The following DCDC1 variants were observed in gnomAD, a reference collection of about 807,000 sequenced individuals.
The protein encoded by DCDC1 is doublecortin domain containing 1.
DCDC1 carries 200 observed loss-of-function variants against 178.3 expected under a neutral mutation model. The observed-to-expected ratio is 1.12, with a 90% confidence interval of 1.00 to 1.26. DCDC1 has a LOEUF of 1.26. Among genes scored for constraint, DCDC1 ranks in the 50% most tolerant of loss-of-function variants. DCDC1 has a pLI of 0.00. For missense variants in DCDC1, 1,983 were observed against 1,749.2 expected (o/e 1.13, Z -2.38); for synonymous variants, 690 against 604.8 (o/e 1.14, Z -2.07).
chr11:31,344,226 T>G (rs1950698304), intron 1 of DCDC1, among the ~76,000 whole-genome samples: 1 of 152,206 alleles, frequency 6.6e-6, no homozygotes, highest in African/African-American at 2.4e-5. Flanking sequence ...TGACTGACAC[T>G]AAATACTATG....
At chr11:31,301,318 A>G (rs953852422) in intron 6 of DCDC1, among the ~76,000 whole-genome samples, 9 of 152,214 alleles carry the variant, frequency 5.9e-5, no homozygotes, top group African/African-American at 2.2e-4. Flanking sequence ...AGTCCCAACT[A>G]CCTTAGCTGA....
At chr11:30,878,089 T>A (rs1313217925) in intron 38 of DCDC1, among the ~76,000 whole-genome samples, 1 of 152,312 alleles carries the variant, frequency 6.6e-6, no homozygotes, top group East Asian at 1.9e-4. Flanking sequence ...TTGTCTAGTT[T>A]TGTTGCCTTT....
In DCDC1 at chr11:31,192,000, C is replaced by T. The variant is rs925747945; in HGVS notation, c.1221+49450G>A. ...GACCTCAGTAAGCAGATAGGCTTCC[C>T]TACTTGGATAAATGGCACAATCTTA... is the stretch of plus-strand genomic sequence containing the variant. On this transcript the variant is annotated intron_variant, in intron 9 of 38. Coordinates refer to ENST00000684477, the MANE Select transcript of DCDC1 (RefSeq NM_001387274.1). Among the ~76,000 whole-genome samples, 4 of 152,164 alleles carry T rather than the reference C, an allele frequency of 2.6e-5. No homozygotes were observed. The East Asian group carries it at 7.7e-4, about 29-fold the overall frequency.
chr11:31,364,065 A>G (rs190008501), intron 1 of DCDC1, among the ~76,000 whole-genome samples: 2 of 152,196 alleles, frequency 1.3e-5, no homozygotes, highest in African/African-American at 4.8e-5. Flanking sequence ...TAAACAACCA[A>G]TACTCTATGG....
chr11:31,086,208 CCAA>C (rs1384456584), intron 17 of DCDC1, among the ~76,000 whole-genome samples: 3 of 152,154 alleles, frequency 2.0e-5, no homozygotes, highest in Admixed American at 2.0e-4. Flanking sequence ...TATATTTCCA[CCAA>C]CGACTTATGA....
intron 3 of DCDC1, among the ~76,000 whole-genome samples, chr11:31,315,490 C>T (rs1490138566): frequency 2.6e-5 from 4 of 151,154 alleles, no homozygotes; most frequent in Admixed American, 6.6e-5. Context: ...GTGCACGCTG[C>T]CATGCCCGGC....
At chr11:31,269,278 G>A (rs1229309299) in intron 7 of DCDC1, among the ~76,000 whole-genome samples, 1 of 152,024 alleles carries the variant, frequency 6.6e-6, no homozygotes, top group Non-Finnish European at 1.5e-5. Context: ...ACATTATGGT[G>A]TCATCTTGCT....
chr11:31,016,499 T>G (rs545423894), intron 20 of DCDC1, among the ~76,000 whole-genome samples: 1 of 152,306 alleles, frequency 6.6e-6, no homozygotes, highest in South Asian at 2.1e-4. Flanking sequence ...GTGAATCACA[T>G]GAAGTGTTAT....
intron 9 of DCDC1, among the ~76,000 whole-genome samples, chr11:31,144,771 A>C (rs1964257239): frequency 6.6e-6 from 1 of 151,796 alleles, no homozygotes; most frequent in African/African-American, 2.4e-5. Context: ...TTTATGAATG[A>C]TTTTGAAAAT....
In DCDC1 at chr11:30,892,921, G is replaced by A. The variant is rs761075007; in HGVS notation, c.4979C>T (p.Pro1660Leu). The A allele has an allele frequency of 2.7e-5, 43 of 1,613,724 alleles. No individual in the cohort carries two copies. The Admixed American group carries it at 5.2e-4, about 19-fold the overall frequency. ...PIATKRIAVK[P>L]SNLYKQPNTK... is the part of the protein sequence containing the mutation. Reference sequence around the variant, plus strand: ...GTTGGGCTGCTTATACAGGTTGCTCGGCTTGACTGCTATACGTTTGGTTGC... The same window carrying A: ...GTTGGGCTGCTTATACAGGTTGCTCAGCTTGACTGCTATACGTTTGGTTGC... The change falls in exon 36 of 39, where the codon CCG (proline) becomes CTG (leucine). Residue 1660 changes from proline to leucine, a missense_variant. Pro to Leu is a moderately conservative substitution (Grantham distance 98). Coordinates refer to ENST00000684477, the MANE Select transcript of DCDC1 (RefSeq NM_001387274.1).
chr11:31,063,345 T>A lies in DCDC1; in HGVS notation c.2591+1124A>T, dbSNP rs1225913274. ...ATACCATTTGACCCAGCCATCCCAT[T>A]ATTGGGTACATACCCAAAGGATTAT... On this transcript the variant is annotated intron_variant, in intron 20 of 38. Transcript: ENST00000684477. Among the ~76,000 whole-genome samples, 3 of 152,084 alleles carry A rather than the reference T, an allele frequency of 2.0e-5. No homozygotes were observed. In the East Asian group the frequency reaches 5.8e-4, roughly 29 times the overall value.
At chr11:31,045,283 A>G (rs1365041366) in intron 20 of DCDC1, among the ~76,000 whole-genome samples, 1 of 152,066 alleles carries the variant, frequency 6.6e-6, no homozygotes, top group East Asian at 1.9e-4. Flanking sequence ...TACTCTTCCT[A>G]CTCAGAGAAA....
chr11:30,977,993 T>C (rs995493789), intron 20 of DCDC1, among the ~76,000 whole-genome samples: 2 of 152,216 alleles, frequency 1.3e-5, no homozygotes, highest in Non-Finnish European at 2.9e-5. Context: ...CTTAAAGTGA[T>C]TGATGTATAT....
At chr11:30,944,524 C>G (rs1947875494) in intron 21 of DCDC1, among the ~76,000 whole-genome samples, 1 of 152,178 alleles carries the variant, frequency 6.6e-6, no homozygotes, top group Non-Finnish European at 1.5e-5. Context: ...TTGCATTTAA[C>G]TGTTCACTGA....
At chr11:30,903,783 T>C (rs1268407784) in intron 31 of DCDC1, 100 bp from the exon 32 acceptor site, 2 of 1,056,958 alleles carry the variant, frequency 1.9e-6, no homozygotes, top group South Asian at 3.0e-5. Context: ...AAAAAAATAA[T>C]TGAATTTGAG....
intron 17 of DCDC1, among the ~76,000 whole-genome samples, chr11:31,085,908 T>A (rs1321255287): frequency 6.6e-6 from 1 of 152,020 alleles, no homozygotes; most frequent in Admixed American, 6.6e-5. Context: ...TTTTAATTTT[T>A]GTAGACACAG....
chr11:30,930,284 C>T (rs1389726398), intron 22 of DCDC1, among the ~76,000 whole-genome samples: 2 of 152,104 alleles, frequency 1.3e-5, no homozygotes, highest in Non-Finnish European at 1.5e-5. Context: ...GCTGGACAAC[C>T]AGCCACCCTG....
At chr11:31,343,849 G>A (rs890480348) in intron 1 of DCDC1, among the ~76,000 whole-genome samples, 2 of 152,018 alleles carry the variant, frequency 1.3e-5, no homozygotes, top group East Asian at 3.9e-4. Flanking sequence ...GAACCCAGGA[G>A]GCGGAAATTG....
At chr11:31,315,646 C>CATT (rs1949052681) in intron 3 of DCDC1, among the ~76,000 whole-genome samples, 2 of 112,424 alleles carry the variant, frequency 1.8e-5, no homozygotes, top group East Asian at 2.6e-4. Flanking sequence ...ATCTGCATAC[C>CATT]TTTTTTTTTT....
Sources: gnomAD v4.1 joint callset for allele counts (sites outside exome capture counted in the v4.1 genomes callset) on GRCh38, gnomAD v4.1.1 for gene constraint, MANE v1.5 for transcripts, NCBI Gene and HGNC (gene_info 2026-07-23, HGNC 2026-07-21) for gene names.